Variants in DROSHA observed in about 807,000 individuals in gnomAD.
DROSHA encodes the protein ribonuclease 3.
Under a neutral mutation model 181.9 loss-of-function variants are expected in DROSHA, and 56 were observed. The observed-to-expected ratio is 0.31, with a 90% CI of 0.25 to 0.38. The LOEUF (loss-of-function observed/expected upper bound fraction) is 0.38, where lower values mean the gene tolerates loss of function less well. Among genes scored for constraint, DROSHA ranks in the 10% least tolerant of loss-of-function variants. The pLI is 1.00. For synonymous variants in DROSHA, 524 were observed against 591.2 expected, an observed-to-expected ratio of 0.89 and a Z score of 1.65; for missense variants, 1,218 against 1,743.5, an observed-to-expected ratio of 0.70 and a Z score of 5.37.
intron 16 of DROSHA, among the ~76,000 whole-genome samples, chr5:31,478,523 C>G (rs1750664490): frequency 6.6e-6 from 1 of 152,110 alleles, no homozygotes; most frequent in Non-Finnish European, 1.5e-5. Context: ...GACCTGAGGT[C>G]AGGAGTTCGA....
At chr5:31,484,261 C>G (rs1751427972) in intron 15 of DROSHA, among the ~76,000 whole-genome samples, 2 of 151,454 alleles carry the variant, frequency 1.3e-5, no homozygotes, top group Admixed American at 1.3e-4. Context: ...GTAGTCCCAG[C>G]TACTCGGGAG....
chr5:31,492,448 C>T (rs967672179), intron 13 of DROSHA, among the ~76,000 whole-genome samples: 2 of 152,172 alleles, frequency 1.3e-5, no homozygotes, highest in African/African-American at 4.8e-5. Flanking sequence ...TTTCACGTAA[C>T]CAAACCAGAA....
intron 23 of DROSHA, among the ~76,000 whole-genome samples, chr5:31,440,834 T>C (rs1333220884): frequency 6.6e-6 from 1 of 152,172 alleles, no homozygotes; most frequent in African/African-American, 2.4e-5. Context: ...TAAACCCATC[T>C]GGTTTTCAAG....
At position 31,411,007 on chromosome 5, in the gene DROSHA, G is replaced by GCCATAGACC; in HGVS notation, c.3526-121_3526-120insGGTCTATGG. On this transcript the variant is annotated intron_variant, in intron 30 of 35. Transcript: ENST00000344624. The surrounding 1 kb of genome is among the most constrained non-coding windows in gnomAD (Gnocchi z 4.2). The stretch of plus-strand genomic sequence containing the variant: ...TGACAGGGACACCAAAATAAGTGAG[G>GCCATAGACC]TCTATGGCCTCAACCATCACCCAGA... 7.1e-7 allele frequency: 1 copy of GCCATAGACC among 1,408,938 alleles called. No individual in the cohort carries two copies. Among genetic ancestry groups the GCCATAGACC allele is most frequent in the Non-Finnish European group, 9.6e-7 (1 of 1,036,460 alleles). 87.3% of individuals were successfully genotyped at this position (1,408,938 alleles called of 1,614,324 possible).
chr5:31,446,446 CA>C lies in DROSHA; in HGVS notation c.2882+2100del, dbSNP rs60001713. Among the ~76,000 whole-genome samples the C allele has an allele frequency of 7.4e-4, 44 of 59,342 alleles. No individual in the cohort carries two copies. The East Asian group carries it at 7.5e-3, about 10-fold the overall frequency. 38.9% of individuals were successfully genotyped at this position (59,342 alleles called of 152,430 possible). The stretch of plus-strand genomic sequence containing the variant: ...TGGGCGACAGAGCGAGACTCTGTCT[CA>C]AAAAAAAAAAAAAAAAAAAGATTCC... On this transcript the variant is annotated intron_variant, in intron 23 of 35. Coordinates refer to ENST00000344624, the MANE Select transcript of DROSHA (RefSeq NM_001382508.1).
At chr5:31,441,281 C>T (rs1005823701) in intron 23 of DROSHA, among the ~76,000 whole-genome samples, 4 of 151,908 alleles carry the variant, frequency 2.6e-5, no homozygotes, top group African/African-American at 7.3e-5. Context: ...TGTGGTGGCA[C>T]GTGCCTGTAG....
intron 11 of DROSHA, among the ~76,000 whole-genome samples, chr5:31,501,954 A>G (rs1190462826): frequency 6.6e-6 from 1 of 152,168 alleles, no homozygotes; most frequent in East Asian, 1.9e-4. Flanking sequence ...ATGTGAGATA[A>G]ACCCTACAAA....
At chr5:31,483,441 A>T in intron 16 of DROSHA, 113 bp downstream of exon 16, 1 of 976,062 alleles carries the variant, frequency 1.0e-6, no homozygotes, top group Non-Finnish European at 1.6e-6. Context: ...TGAGAAGTAG[A>T]TAATTAACAG....
At chr5:31,498,293 TC>T (rs1487951701) in intron 11 of DROSHA, among the ~76,000 whole-genome samples, 1 of 152,152 alleles carries the variant, frequency 6.6e-6, no homozygotes, top group Non-Finnish European at 1.5e-5. Context: ...CAGAGGGGGT[TC>T]AGACTACAAG....
Position 31,401,399 on chromosome 5 carries a change from G to A in DROSHA, c.*33C>T. The A allele has an allele frequency of 6.2e-7, 1 of 1,604,014 alleles. No homozygotes were observed. The highest frequency in any genetic ancestry group is 2.3e-5 in the East Asian group (1 of 44,180). ...AATAGACAACAGTCACAGTTACTGA[G>A]CAAGTAAATACTCCACACTTGCATG... On this transcript the variant is annotated 3_prime_UTR_variant, in exon 36 of 36. Coordinates refer to ENST00000344624, the MANE Select transcript of DROSHA (RefSeq NM_001382508.1).
In DROSHA at chr5:31,429,501, A is replaced by G; in HGVS notation, c.3190T>C (p.Phe1064Leu). The stretch of plus-strand genomic sequence containing the variant: ...GGATCATTAAAGAGCAAGCGTCCAA[A>G]TAACTGCTTGGCTTCCTCCAGGCTT... ...EGSLEEAKQLFGRLLFNDPDL... is the reference protein window; with the variant it reads ...EGSLEEAKQLLGRLLFNDPDL... The change falls in exon 27 of 36, where the codon TTT becomes CTT. Residue 1064 changes from phenylalanine (F) to leucine (L), a missense_variant. Physicochemically the swap from Phe to Leu is conservative, Grantham distance 22 (BLOSUM62 0). Transcript: ENST00000344624. 1 of 1,612,466 alleles carries G rather than the reference A, an allele frequency of 6.2e-7. No homozygotes were observed. The highest frequency in any genetic ancestry group is 8.5e-7 in the Non-Finnish European group (1 of 1,178,982).
At chr5:31,448,687 T>A (rs780427961) in intron 22 of DROSHA, 80 bp from the exon 23 acceptor site, 63 of 1,033,520 alleles carry the variant, frequency 6.1e-5, no homozygotes, top group Non-Finnish European at 9.2e-5. Flanking sequence ...TAGAAAAAAA[T>A]TATCTCATCT....
rs149974790 is a variant in DROSHA, at chr5:31,424,693, A to G, written c.3217-222T>C. Among the ~76,000 whole-genome samples, 35 of 152,256 alleles carry G rather than the reference A, an allele frequency of 2.3e-4. No homozygotes were observed. The East Asian group carries it at 6.2e-3, about 27-fold the overall frequency. ...AGCCTATTAAGCTACGGGGGAAAAG[A>G]GCCTCCTCTAGTCCCAGAAGTCAGA... On this transcript the variant is annotated intron_variant, in intron 27 of 35. Coordinates refer to ENST00000344624, the MANE Select transcript of DROSHA (RefSeq NM_001382508.1).
At chr5:31,459,117 T>C (rs1269213810) in intron 20 of DROSHA, among the ~76,000 whole-genome samples, 1 of 152,206 alleles carries the variant, frequency 6.6e-6, no homozygotes, top group Non-Finnish European at 1.5e-5. Flanking sequence ...AATGTAAACA[T>C]TGACTAGGTA....
intron 4 of DROSHA, 111 bp from the exon 5 acceptor site, chr5:31,527,023 T>C: frequency 1.0e-6 from 1 of 983,528 alleles, no homozygotes; most frequent in East Asian, 2.6e-5. Flanking sequence ...AAAGACCCCC[T>C]AGTCAAGCCA....
chr5:31,504,092 T>G (rs1737624545), intron 11 of DROSHA, among the ~76,000 whole-genome samples: 1 of 152,188 alleles, frequency 6.6e-6, no homozygotes, highest in Non-Finnish European at 1.5e-5. Context: ...TCAGTTAAAC[T>G]TATTAGAGGG....
intron 20 of DROSHA, among the ~76,000 whole-genome samples, chr5:31,459,841 C>G (rs74714423): frequency 0.013 from 1,936 of 152,320 alleles, 31 homozygotes; most frequent in Middle Eastern, 0.044. Context: ...ATACCAACCA[C>G]CACAACTCAG....
intron 20 of DROSHA, among the ~76,000 whole-genome samples, chr5:31,452,479 GTC>G (rs1165251949): frequency 6.6e-6 from 1 of 152,134 alleles, no homozygotes; most frequent in African/African-American, 2.4e-5. Context: ...TTTCATGGAA[GTC>G]ATATCTTTTT....
chr5:31,529,691 C>T lies in DROSHA; in HGVS notation c.-46-586G>A, dbSNP rs186973456. ...CAGAGCTTGCAGTGAGCCGAGATGG[C>T]GCCACTGCATTCCAGCCTGGGCGAC... is the stretch of plus-strand genomic sequence containing the variant. On this transcript the variant is annotated intron_variant, in intron 3 of 35. Coordinates refer to ENST00000344624, the MANE Select transcript of DROSHA (RefSeq NM_001382508.1). Among the ~76,000 whole-genome samples, 293 of 149,434 alleles carry T rather than the reference C, an allele frequency of 2.0e-3. 1 individual carries two copies. The highest frequency in any genetic ancestry group is 6.9e-3 in the African/African-American group (279 of 40,410).
Sources: allele counts gnomAD v4.1 joint callset (sites outside exome capture counted in the v4.1 genomes callset), GRCh38; gene constraint gnomAD v4.1.1; non-coding constraint Gnocchi (gnomAD v3.1); transcripts MANE v1.5; gene names NCBI Gene and HGNC (gene_info 2026-07-23, HGNC 2026-07-21).